The following NCAPH variants were observed in gnomAD, a reference collection of about 807,000 sequenced individuals.
The protein encoded by NCAPH is condensin complex subunit 2.
A neutral mutation model predicts 85.5 loss-of-function variants in NCAPH; 38 were observed. That is an observed-to-expected ratio of 0.44 (90% CI 0.34 to 0.58). NCAPH has a LOEUF of 0.58. NCAPH is among the 20% of genes least tolerant of loss of function. NCAPH has a pLI of 0.01. For synonymous variants in NCAPH, 301 were observed against 335.1 expected (o/e 0.90, Z 1.11); for missense variants, 789 against 916.6 (o/e 0.86, Z 1.80).
At chr2:96,345,370 G>C (rs2104432313) in intron 6 of NCAPH, among the ~76,000 whole-genome samples, 1 of 152,294 alleles carries the variant, frequency 6.6e-6, no homozygotes, top group East Asian at 1.9e-4. Flanking sequence ...CCCTGGAACG[G>C]GGGCATGCTG....
chr2:96,351,733 G>T, intron 6 of NCAPH, 98 bp from the exon 7 acceptor site: 1 of 989,178 alleles, frequency 1.0e-6, no homozygotes, highest in Non-Finnish European at 1.5e-6. Flanking sequence ...TCAGTCCAGT[G>T]TATATACCTG....
intron 7 of NCAPH, 120 bp from the exon 8 acceptor site, chr2:96,353,186 G>C: frequency 1.3e-6 from 1 of 771,966 alleles, no homozygotes; most frequent in South Asian, 1.8e-5. Flanking sequence ...GCCTTTGCTG[G>C]AGGACAGTGA....
chr2:96,363,610 A>G (rs1249229764), intron 12 of NCAPH, among the ~76,000 whole-genome samples: 1 of 152,212 alleles, frequency 6.6e-6, no homozygotes, highest in Admixed American at 6.5e-5. Flanking sequence ...TATCAAGTAG[A>G]AATCACTGGT....
chr2:96,342,807 G>A lies in NCAPH; in HGVS notation c.415G>A (p.Glu139Lys). Residue 139 changes from glutamate to lysine, a missense_variant, in exon 4 of 18, where the codon GAG (glutamate) becomes AAG (lysine). Coordinates refer to ENST00000240423, the MANE Select transcript of NCAPH (RefSeq NM_015341.5). ...TTTGCACTTGATTGATTTTATGTCA[G>A]AGATTCTTAAACAGAAAGACACCGA... is the stretch of plus-strand genomic sequence containing the variant. ...FGLHLIDFMSEILKQKDTEPT... is the reference protein window; with the variant it reads ...FGLHLIDFMSKILKQKDTEPT... The A allele has an allele frequency of 6.2e-7, 1 of 1,613,084 alleles. No individual in the cohort carries two copies.
intron 9 of NCAPH, among the ~76,000 whole-genome samples, chr2:96,355,596 G>T (rs1262164853): frequency 6.6e-6 from 1 of 151,440 alleles, no homozygotes; most frequent in African/African-American, 2.4e-5. Context: ...TCACATGGCT[G>T]CAATTTTGCC....
intron 6 of NCAPH, among the ~76,000 whole-genome samples, chr2:96,351,013 C>A (rs1008112791): frequency 9.2e-5 from 14 of 152,222 alleles, no homozygotes; most frequent in African/African-American, 3.4e-4. Flanking sequence ...CTGCTCCTGA[C>A]CCAGCCTTAG....
At position 96,335,842 on chromosome 2, in the gene NCAPH, G is replaced by A. The variant is rs766421669; in HGVS notation, c.13G>A (p.Gly5Ser). Reference sequence around the variant, plus strand: ...ACGCCAAGGAAAGATGGGACCTCCCGGCCCAGGTGAGCCGGGCGGTCGGGA... The same window carrying A: ...ACGCCAAGGAAAGATGGGACCTCCCAGCCCAGGTGAGCCGGGCGGTCGGGA... MGPP[G>S]PALPATMNNS... Residue 5 changes from glycine (G) to serine (S), a missense_variant, in exon 1 of 18, where the codon GGC becomes AGC. Physicochemically the swap from Gly to Ser is moderately conservative, Grantham distance 56 (BLOSUM62 0). Coordinates refer to ENST00000240423, the MANE Select transcript of NCAPH (RefSeq NM_015341.5). 8 of 1,493,430 alleles carry A rather than the reference G, an allele frequency of 5.4e-6. No individual in the cohort carries two copies. The highest frequency in any genetic ancestry group is 3.8e-4 in the Middle Eastern group (2 of 5,290). The allele number at this position is 1,493,430 out of a possible 1,614,324, so 92.5% of individuals were successfully genotyped here. A position where few individuals can be genotyped will look rare whatever the true frequency, so the allele number is the denominator to read the frequency against.
At chr2:96,355,437 C>G (rs916994786) in intron 9 of NCAPH, among the ~76,000 whole-genome samples, 2 of 152,102 alleles carry the variant, frequency 1.3e-5, no homozygotes, top group Non-Finnish European at 2.9e-5. Context: ...ACAAAAATCT[C>G]TTCAAGACCC....
chr2:96,354,564 A>G lies in NCAPH; in HGVS notation c.1208+176A>G, dbSNP rs575204863. On this transcript the variant is annotated intron_variant, in intron 9 of 17. Coordinates refer to ENST00000240423, the MANE Select transcript of NCAPH (RefSeq NM_015341.5). ...GTCTTGAACTCTTGGGGCTCAAGCA[A>G]TCCTCCTGCTTTGGCCTCCCAAGGT... Among the ~76,000 whole-genome samples the G allele has an allele frequency of 8.0e-4, 122 of 152,028 alleles. 1 individual carries two copies. The highest frequency in any genetic ancestry group is 2.5e-3 in the African/African-American group (102 of 41,446).
At chr2:96,336,656 AG>A (rs2064218515) in intron 1 of NCAPH, among the ~76,000 whole-genome samples, 1 of 152,226 alleles carries the variant, frequency 6.6e-6, no homozygotes, top group African/African-American at 2.4e-5. Flanking sequence ...GGAGAGACTC[AG>A]GTGAAGGGAT....
At chr2:96,349,433 T>C (rs1261658563) in intron 6 of NCAPH, among the ~76,000 whole-genome samples, 1 of 152,004 alleles carries the variant, frequency 6.6e-6, no homozygotes, top group African/African-American at 2.4e-5. Context: ...CCAGGCTGGA[T>C]TGCAATGGTT....
At chr2:96,358,985 C>T in intron 9 of NCAPH, 60 bp from the exon 10 acceptor site, 1 of 1,530,590 alleles carries the variant, frequency 6.5e-7, no homozygotes, top group South Asian at 1.2e-5. Context: ...ACATATGCTT[C>T]ATATGTAAAT....
chr2:96,362,017 T>A (rs1431483871), intron 12 of NCAPH, among the ~76,000 whole-genome samples: 2 of 151,656 alleles, frequency 1.3e-5, no homozygotes, highest in Non-Finnish European at 2.9e-5. Context: ...GTACAGGGAT[T>A]ACAGGCGTGA....
chr2:96,373,172 T>A (rs2064795887), intron 17 of NCAPH, 120 bp from the exon 18 acceptor site: 3 of 785,108 alleles, frequency 3.8e-6, no homozygotes, highest in Non-Finnish European at 6.2e-6. Flanking sequence ...AAACAGTTTT[T>A]CTTATAATCA....
rs866174824 is a variant in NCAPH, at chr2:96,354,229, T to C, written c.1049T>C (p.Phe350Ser). The change falls in exon 9 of 18, where the codon TTT becomes TCT. Residue 350 changes from phenylalanine (F) to serine (S), a missense_variant. Physicochemically the swap from Phe to Ser is radical, Grantham distance 155 (BLOSUM62 -2). Coordinates refer to ENST00000240423, the MANE Select transcript of NCAPH (RefSeq NM_015341.5). ...AAGTTTAAGAAGAATGACCAGGTAT[T>C]TGACATCAATGCTGAAGTTGACGAG... ...VDKFKKNDQV[F>S]DINAEVDESD... 6.2e-7 allele frequency: 1 copy of C among 1,614,036 alleles called. No homozygotes were observed. The highest frequency in any genetic ancestry group is 1.3e-5 in the African/African-American group (1 of 74,912).
At chr2:96,372,859 A>T (rs2064792077) in intron 17 of NCAPH, among the ~76,000 whole-genome samples, 3 of 152,200 alleles carry the variant, frequency 2.0e-5, no homozygotes, top group Admixed American at 6.5e-5. Context: ...CATATATATA[A>T]AAATCATATA....
intron 1 of NCAPH, among the ~76,000 whole-genome samples, chr2:96,337,506 G>A (rs925162434): frequency 1.3e-5 from 2 of 152,088 alleles, no homozygotes; most frequent in Non-Finnish European, 2.9e-5. Context: ...TGCAAGCTCC[G>A]CCTCCTGGGT....
chr2:96,348,869 C>T (rs1217807414), intron 6 of NCAPH, among the ~76,000 whole-genome samples: 3 of 151,916 alleles, frequency 2.0e-5, no homozygotes, highest in South Asian at 4.2e-4. Flanking sequence ...AGGCTAGTCT[C>T]GAACTCCTGA....
chr2:96,362,915 T>C (rs1411202971), intron 12 of NCAPH, among the ~76,000 whole-genome samples: 3 of 152,242 alleles, frequency 2.0e-5, no homozygotes, highest in Non-Finnish European at 4.4e-5. Flanking sequence ...TGGCAGTGTT[T>C]GAAAAGATTG....
Sources: allele counts gnomAD v4.1 joint callset (sites outside exome capture counted in the v4.1 genomes callset), GRCh38; gene constraint gnomAD v4.1.1; transcripts MANE v1.5; gene names NCBI Gene and HGNC (gene_info 2026-07-23, HGNC 2026-07-21).